GNG4: variants seen among roughly 807,000 people sequenced by gnomAD.
GNG4 encodes the protein G protein subunit gamma 4.
GNG4 carries 4 observed loss-of-function variants against 5.8 expected under a neutral mutation model. The observed-to-expected ratio is 0.69, with a 90% CI of 0.34 to 1.57. The LOEUF is 1.57. Among genes scored for constraint, GNG4 ranks in the 40% most tolerant of loss-of-function variants. The pLI, the probability that GNG4 is intolerant of heterozygous loss-of-function variation, is 0.06. For missense variants in GNG4, 96 were observed against 95.1 expected (o/e 1.01, Z -0.04); for synonymous variants, 29 against 32.9 (o/e 0.88, Z 0.41).
chr1:235,577,085 G>A (rs750559294), intron 3 of GNG4, among the ~76,000 whole-genome samples: 2 of 152,178 alleles, frequency 1.3e-5, no homozygotes, highest in African/African-American at 4.8e-5. Context: ...GGCGGCAAAT[G>A]CCTTCTTTTC....
intron 1 of GNG4, among the ~76,000 whole-genome samples, chr1:235,604,894 G>A (rs541518063): frequency 1.7e-4 from 26 of 152,222 alleles, no homozygotes; most frequent in Admixed American, 1.2e-3. Flanking sequence ...TACAAGAAAC[G>A]CCTCTCTGAC....
chr1:235,565,739 T>A (rs1687177902), intron 3 of GNG4: 2 of 152,390 alleles, frequency 1.3e-5, no homozygotes, highest in South Asian at 4.1e-4. Flanking sequence ...TGGTGGTATG[T>A]GCCTACTTAG....
intron 2 of GNG4, among the ~76,000 whole-genome samples, chr1:235,585,725 G>T (rs1384444548): frequency 2.0e-5 from 3 of 152,076 alleles, no homozygotes; most frequent in South Asian, 4.1e-4. Flanking sequence ...ATATTATTGT[G>T]GGGGTGTGTC....
chr1:235,590,147 T>TGC (rs1452970569), intron 2 of GNG4, among the ~76,000 whole-genome samples: 1 of 152,208 alleles, frequency 6.6e-6, no homozygotes, highest in Non-Finnish European at 1.5e-5. Context: ...TGCAATCTTC[T>TGC]GCATTCTTGC....
intron 3 of GNG4, among the ~76,000 whole-genome samples, chr1:235,568,367 C>T (rs185967208): frequency 2.6e-5 from 4 of 152,210 alleles, no homozygotes; most frequent in Non-Finnish European, 4.4e-5. Flanking sequence ...AGCCCCTGCT[C>T]GGGAAGACCT....
intron 3 of GNG4, among the ~76,000 whole-genome samples, chr1:235,580,205 A>G (rs1231023431): frequency 6.6e-6 from 1 of 152,244 alleles, no homozygotes; most frequent in East Asian, 1.9e-4. Flanking sequence ...TGAGATACCT[A>G]GTGTAGTCAG....
intron 3 of GNG4, among the ~76,000 whole-genome samples, chr1:235,577,275 A>T (rs747923418): frequency 7.2e-5 from 11 of 152,052 alleles, no homozygotes; most frequent in Non-Finnish European, 1.3e-4. Flanking sequence ...CCTGGAAGCC[A>T]GCTCTGTGGG....
At chr1:235,640,287 G>T (rs960413538) in intron 1 of GNG4, among the ~76,000 whole-genome samples, 15 of 152,132 alleles carry the variant, frequency 9.9e-5, no homozygotes, top group Admixed American at 2.0e-4. Flanking sequence ...CAGATATCAG[G>T]AATAAGGACC....
intron 2 of GNG4, among the ~76,000 whole-genome samples, chr1:235,586,590 G>A (rs1340702697): frequency 6.6e-6 from 1 of 152,214 alleles, no homozygotes; most frequent in Non-Finnish European, 1.5e-5. Flanking sequence ...GGATCACGGG[G>A]CCAGATCAGT....
chr1:235,626,796 T>C (rs563079355), intron 1 of GNG4, among the ~76,000 whole-genome samples: 95 of 151,470 alleles, frequency 6.3e-4, no homozygotes, highest in African/African-American at 2.2e-3. Flanking sequence ...CTGTCTCTAC[T>C]AAAAATACAA....
chr1:235,565,008 T>A (rs943756117), intron 3 of GNG4, among the ~76,000 whole-genome samples: 2 of 152,188 alleles, frequency 1.3e-5, no homozygotes, highest in African/African-American at 4.8e-5. Flanking sequence ...TAAGTTTACA[T>A]TGATTGAATA....
At chr1:235,622,901 G>T (rs966366615) in intron 1 of GNG4, among the ~76,000 whole-genome samples, 1 of 113,338 alleles carries the variant, frequency 8.8e-6, no homozygotes, top group Non-Finnish European at 1.7e-5. Context: ...ATAGCCAGGC[G>T]TGATGGTGCA....
chr1:235,586,364 G>C (rs1687760156), intron 2 of GNG4, among the ~76,000 whole-genome samples: 1 of 151,794 alleles, frequency 6.6e-6, no homozygotes, highest in Non-Finnish European at 1.5e-5. Context: ...GCCAGTCTGT[G>C]TGTGGCCATC....
chr1:235,577,353 G>A (rs1043727375), intron 3 of GNG4, among the ~76,000 whole-genome samples: 2 of 152,140 alleles, frequency 1.3e-5, no homozygotes, highest in African/African-American at 4.8e-5. Context: ...CCCTATCGTC[G>A]TGTGCACATT....
In GNG4 at chr1:235,550,366, G is replaced by A. The variant is rs571451754; in HGVS notation, c.*1743C>T. ...TGTGGGTCTCCCTACCTGCAAACAG[G>A]TAGACCTGGAAGGTAGCACAGTTCA... is the stretch of plus-strand genomic sequence containing the variant. On this transcript the variant is annotated 3_prime_UTR_variant, in exon 4 of 4. Coordinates refer to ENST00000391854, the MANE Select transcript of GNG4 (RefSeq NM_001098722.2). The A allele has an allele frequency of 1.3e-5, 2 of 152,400 alleles. No homozygotes were observed. The highest frequency in any genetic ancestry group is 1.9e-4 in the East Asian group (1 of 5,192). 9.4% of individuals were successfully genotyped at this position (152,400 alleles called of 1,614,324 possible). A position where few individuals can be genotyped will look rare whatever the true frequency, so the allele number is the denominator to read the frequency against.
At chr1:235,590,731 G>A (rs1687939348) in intron 2 of GNG4, among the ~76,000 whole-genome samples, 1 of 152,080 alleles carries the variant, frequency 6.6e-6, no homozygotes, top group Non-Finnish European at 1.5e-5. Context: ...CAGCACTGTG[G>A]CCCTGCACAC....
At chr1:235,617,765 G>T (rs183376006) in intron 1 of GNG4, among the ~76,000 whole-genome samples, 16 of 151,986 alleles carry the variant, frequency 1.1e-4, no homozygotes, top group Admixed American at 5.9e-4. Context: ...TGCACCTGTA[G>T]TTCCAGCTAT....
At chr1:235,552,902 C>T (rs1455460886) in intron 3 of GNG4, among the ~76,000 whole-genome samples, 1 of 152,132 alleles carries the variant, frequency 6.6e-6, no homozygotes, top group African/African-American at 2.4e-5. Context: ...GCTGAGATTA[C>T]AGGCACTCAC....
At chr1:235,620,075 C>T (rs1052560893) in intron 1 of GNG4, among the ~76,000 whole-genome samples, 6 of 152,154 alleles carry the variant, frequency 3.9e-5, no homozygotes, top group African/African-American at 9.7e-5. Context: ...TTAAAACTTT[C>T]GTTGGAGGTT....
Sources: allele counts gnomAD v4.1 joint callset (sites outside exome capture counted in the v4.1 genomes callset), GRCh38; gene constraint gnomAD v4.1.1; transcripts MANE v1.5; gene names NCBI Gene and HGNC (gene_info 2026-07-23, HGNC 2026-07-21).